Variants in PTPRD observed in about 807,000 individuals in gnomAD.
The protein encoded by PTPRD is protein tyrosine phosphatase receptor type D.
In PTPRD, 34 loss-of-function variants were observed where a neutral mutation model predicts 214.5. The observed-to-expected ratio is 0.16, with a 90% CI of 0.12 to 0.21. The LOEUF is 0.21. Ranked by LOEUF, PTPRD falls within the 10% of genes least tolerant of loss-of-function variation. The probability of loss-of-function intolerance (pLI) is 1.00; values close to 1 mark genes in which losing one functional copy is unlikely to be tolerated. For missense variants in PTPRD, 2,545 were observed against 2,398.7 expected (o/e 1.06, Z -1.27); for synonymous variants, 1,128 against 845.7 (o/e 1.33, Z -5.79).
chr9:9,518,955 G>T (rs1399143451), intron 8 of PTPRD, among the ~76,000 whole-genome samples: 1 of 151,884 alleles, frequency 6.6e-6, no homozygotes, highest in Non-Finnish European at 1.5e-5. Context: ...TGAGGGCATT[G>T]TTCTTTCTGT....
intron 11 of PTPRD, among the ~76,000 whole-genome samples, chr9:8,842,478 G>C (rs1240375116): frequency 1.3e-5 from 2 of 152,156 alleles, no homozygotes; most frequent in African/African-American, 4.8e-5. Context: ...TAGTACATTA[G>C]TAGAACTACC....
At chr9:10,314,233 C>A (rs1346388438) in intron 3 of PTPRD, among the ~76,000 whole-genome samples, 2 of 151,696 alleles carry the variant, frequency 1.3e-5, no homozygotes, top group African/African-American at 4.8e-5. Context: ...GTGTGAAGAA[C>A]AGATTGAAAA....
chr9:8,395,913 G>A (rs1021719), intron 36 of PTPRD, among the ~76,000 whole-genome samples: 42,346 of 151,876 alleles, frequency 0.28, 6,804 homozygotes, highest in East Asian at 0.59. Flanking sequence ...ATAGAGGGGC[G>A]TGCTTTTTGG....
At chr9:9,479,758 A>AAACAG (rs1262730892) in intron 8 of PTPRD, among the ~76,000 whole-genome samples, 1 of 151,994 alleles carries the variant, frequency 6.6e-6, no homozygotes, top group Non-Finnish European at 1.5e-5. Flanking sequence ...AAACAAAACA[A>AAACAG]AAAACTCTTA....
intron 3 of PTPRD, among the ~76,000 whole-genome samples, chr9:10,131,021 G>A (rs1380795375): frequency 6.6e-6 from 1 of 152,136 alleles, no homozygotes; most frequent in African/African-American, 2.4e-5. Context: ...GATAAAAGAA[G>A]TATAAGGTGA....
At position 9,618,071 on chromosome 9, in the gene PTPRD, CAAAAAAAAAAAAAAAAA is replaced by C. The variant is rs34125624; in HGVS notation, c.-286-43307_-286-43291del. ...TGGGCGACAGAGCGAGACTCCATCT[CAAAAAAAAAAAAAAAAA>C]AAAAAAAAAAAAAAAAGATTTTGTC... On this transcript the variant is annotated intron_variant, in intron 7 of 45. Transcript: ENST00000381196. 5.2e-4 allele frequency among the ~76,000 whole-genome samples: 12 copies of C among 23,024 alleles called. No individual in the cohort carries two copies. The South Asian group carries it at 0.013, about 26-fold the overall frequency. 15.1% of individuals were successfully genotyped at this position (23,024 alleles called of 152,430 possible).
intron 7 of PTPRD, among the ~76,000 whole-genome samples, chr9:9,594,148 T>C (rs2093044696): frequency 6.6e-6 from 1 of 152,042 alleles, no homozygotes. Flanking sequence ...CTAGAAGTTA[T>C]TTAAAAAATA....
intron 8 of PTPRD, among the ~76,000 whole-genome samples, chr9:9,427,326 A>C (rs1370224009): frequency 1.3e-5 from 2 of 152,226 alleles, no homozygotes. Context: ...ATGGAAGATC[A>C]AATGAATGAA....
chr9:9,331,433 T>A (rs901416775), intron 9 of PTPRD, among the ~76,000 whole-genome samples: 3 of 152,102 alleles, frequency 2.0e-5, no homozygotes, highest in Admixed American at 2.0e-4. Context: ...GACATTGGAT[T>A]ATCTGCGCAT....
At chr9:10,078,107 G>A (rs184987640) in intron 3 of PTPRD, among the ~76,000 whole-genome samples, 1 of 151,590 alleles carries the variant, frequency 6.6e-6, no homozygotes, top group Non-Finnish European at 1.5e-5. Flanking sequence ...AAATAACTTA[G>A]TAACTCCAAA....
intron 2 of PTPRD, among the ~76,000 whole-genome samples, chr9:10,609,721 C>T (rs1384124414): frequency 6.6e-6 from 1 of 152,092 alleles, no homozygotes. Context: ...ATAGCTCAAC[C>T]TTCCAATATC....
intron 11 of PTPRD, among the ~76,000 whole-genome samples, chr9:8,819,180 T>A (rs2096987655): frequency 6.6e-6 from 1 of 152,214 alleles, no homozygotes; most frequent in Non-Finnish European, 1.5e-5. Context: ...ACTCTGTGTC[T>A]TGAGTATTCC....
intron 39 of PTPRD, among the ~76,000 whole-genome samples, chr9:8,355,818 T>C (rs2076846923): frequency 6.6e-6 from 1 of 152,182 alleles, no homozygotes; most frequent in Non-Finnish European, 1.5e-5. Context: ...GACCAAAGAT[T>C]GTGCATTTCC....
At chr9:10,347,664 C>A (rs1339092825) in intron 2 of PTPRD, among the ~76,000 whole-genome samples, 1 of 151,952 alleles carries the variant, frequency 6.6e-6, no homozygotes, top group Non-Finnish European at 1.5e-5. Flanking sequence ...CCCACCTCAG[C>A]CTCCCAAAGT....
intron 5 of PTPRD, among the ~76,000 whole-genome samples, chr9:9,774,265 C>T (rs1349435177): frequency 6.6e-6 from 1 of 152,194 alleles, no homozygotes; most frequent in Admixed American, 6.5e-5. Flanking sequence ...GACTTTTTAT[C>T]TAAAATTCAA....
intron 12 of PTPRD, among the ~76,000 whole-genome samples, chr9:8,728,530 T>C (rs941548905): frequency 1.3e-5 from 2 of 152,220 alleles, no homozygotes; most frequent in African/African-American, 4.8e-5. Context: ...GATATGTTTC[T>C]GGTGTAAACT....
rs1001693487 is a variant in PTPRD, at chr9:8,843,587, G to A, written c.-103-109641C>T. ...TTCAAATGTAGCTAGCATGAATGTG[G>A]TTTTAATTACATTTAATTTTAATTA... On this transcript the variant is annotated intron_variant, in intron 11 of 45. Transcript: ENST00000381196. Among the ~76,000 whole-genome samples the A allele has an allele frequency of 4.6e-5, 7 of 152,154 alleles. No homozygotes were observed. The East Asian group carries it at 1.2e-3, about 25-fold the overall frequency.
At chr9:8,391,796 A>T (rs1489860740) in intron 36 of PTPRD, among the ~76,000 whole-genome samples, 6 of 152,234 alleles carry the variant, frequency 3.9e-5, no homozygotes, top group African/African-American at 1.4e-4. Context: ...AAGGAAAGCA[A>T]ATGTGTCTGA....
At chr9:9,762,879 C>A (rs542586989) in intron 6 of PTPRD, among the ~76,000 whole-genome samples, 103 of 152,304 alleles carry the variant, frequency 6.8e-4, no homozygotes, top group Non-Finnish European at 1.3e-3. Context: ...GTGGCTTAAA[C>A]AAATGAAATT....
Sources: gnomAD v4.1 joint callset for allele counts (sites outside exome capture counted in the v4.1 genomes callset) on GRCh38, gnomAD v4.1.1 for gene constraint, MANE v1.5 for transcripts, NCBI Gene and HGNC (gene_info 2026-07-23, HGNC 2026-07-21) for gene names.